Variants in UBALD1 observed in about 807,000 individuals in gnomAD.
UBALD1 encodes UBA like domain containing 1.
UBALD1 carries 5 observed loss-of-function variants against 16.1 expected under a neutral mutation model. The observed-to-expected ratio is 0.31, with a 90% CI of 0.16 to 0.66. The LOEUF (loss-of-function observed/expected upper bound fraction) is 0.66. Ranked by LOEUF, UBALD1 falls within the 30% of genes least tolerant of loss-of-function variation. UBALD1 has a pLI of 0.77. For missense variants in UBALD1, 220 were observed against 252.8 expected, an observed-to-expected ratio of 0.87 and a Z score of 0.88; for synonymous variants, 146 against 105.3, an observed-to-expected ratio of 1.39 and a Z score of -2.37.
Position 4,609,817 on chromosome 16 carries a change from C to A in UBALD1, c.350G>T (p.Ser117Ile). The A allele has an allele frequency of 6.6e-7, 1 of 1,523,942 alleles. No homozygotes were observed. The allele number at this position is 1,523,942 out of a possible 1,614,324, so 94.4% of individuals were successfully genotyped here. The change falls in exon 3 of 3, where the codon AGC becomes ATC. Residue 117 changes from serine to isoleucine, a missense_variant. By Grantham distance (142) the Ser-to-Ile change is moderately radical (BLOSUM62 -2). This residue lies in a region of UBALD1 where 151 missense variants were observed against 132.6 expected (regional missense o/e 1.14). Transcript: ENST00000283474. Reference protein sequence around the residue: ...PPPHFPHAATSSSAASSWPTA... With the variant: ...PPPHFPHAATISSAASSWPTA... ...GGGCCAGCTGGAGGCCGCAGAGCTG[C>A]TGGTGGCGGCATGGGGGAAGTGTGG...
At chr16:4,613,382 A>G (rs187192810) in intron 1 of UBALD1, among the ~76,000 whole-genome samples, 1 of 152,294 alleles carries the variant, frequency 6.6e-6, no homozygotes, top group Non-Finnish European at 1.5e-5. Flanking sequence ...ACACAGGATC[A>G]GTGGCCTCCG....
intron 1 of UBALD1, 163 bp downstream of exon 1, chr16:4,614,515 G>A: frequency 2.5e-6 from 3 of 1,210,764 alleles, no homozygotes; most frequent in East Asian, 3.3e-5. Flanking sequence ...CGAGCCCTTG[G>A]GATCCGGACG....
chr16:4,612,269 G>A lies in UBALD1; in HGVS notation c.121-1714C>T, dbSNP rs557806623. ...AGTAGAGATGGGGTTTCACCATGTTGGCCAGGATGGTCTTGATCTCTTGAC... is the reference window on the plus strand; with the variant it reads ...AGTAGAGATGGGGTTTCACCATGTTAGCCAGGATGGTCTTGATCTCTTGAC... On this transcript the variant is annotated intron_variant, in intron 1 of 2. Transcript: ENST00000283474. Among the ~76,000 whole-genome samples the A allele has an allele frequency of 2.4e-3, 370 of 152,034 alleles. 1 individual carries two copies. Among genetic ancestry groups the A allele is most frequent in the Non-Finnish European group, 4.4e-3 (299 of 67,998 alleles).
rs1050736208 is a variant in UBALD1, at chr16:4,609,527, C to T, written c.*106G>A. 1.0e-5 allele frequency: 5 copies of T among 495,880 alleles called. No homozygotes were observed. The highest frequency in any genetic ancestry group is 1.6e-5 in the Non-Finnish European group (5 of 304,782). The allele number at this position is 495,880 out of a possible 1,614,324, so 30.7% of individuals were successfully genotyped here. On this transcript the variant is annotated 3_prime_UTR_variant, in exon 3 of 3. Coordinates refer to ENST00000283474, the MANE Select transcript of UBALD1 (RefSeq NM_145253.3). ...GTCCGCGCTCTCCCCTCCAGGGCTC[C>T]GGGGAACAAGGGGTGCAGACAGAAA...
In UBALD1 at chr16:4,614,396, C is replaced by T. The variant is rs1208988509; in HGVS notation, c.120+282G>A. 14 of 354,594 alleles carry T rather than the reference C, an allele frequency of 3.9e-5. No homozygotes were observed. The Admixed American group carries it at 8.4e-4, about 21-fold the overall frequency. The allele number at this position is 354,594 out of a possible 1,614,324, so 22.0% of individuals were successfully genotyped here. A position where few individuals can be genotyped will look rare whatever the true frequency, so the allele number is the denominator to read the frequency against. On this transcript the variant is annotated intron_variant, in intron 1 of 2. Transcript: ENST00000283474. ...GGGGCCGCCCGGCCCTCGGCCGTTA[C>T]CCGGACAAAAGGGGTGGGGGGGGTC...
At chr16:4,614,413 G>GT (rs929169476) in intron 1 of UBALD1, 9 of 434,728 alleles carry the variant, frequency 2.1e-5, no homozygotes, top group African/African-American at 1.3e-4. Context: ...AAAAGGGGTG[G>GT]GGGGGGTCCC....
In UBALD1 at chr16:4,609,570, G is replaced by A. The variant is rs971012697; in HGVS notation, c.*63C>T. On this transcript the variant is annotated 3_prime_UTR_variant, in exon 3 of 3. Transcript: ENST00000283474. ...GACAGAAAAGGGGTGAAGGGGGCCC[G>A]CAGAGACGTCCTCTCCCCCGCCCCA... 2.5e-5 allele frequency: 18 copies of A among 720,374 alleles called. No individual in the cohort carries two copies. The highest frequency in any genetic ancestry group is 9.1e-5 in the African/African-American group (5 of 54,656). The allele number at this position is 720,374 out of a possible 1,614,324, so 44.6% of individuals were successfully genotyped here.
rs1228530726 is a variant in UBALD1 at position 4,609,741 on chromosome 16, G to A, written c.426C>T (p.Pro142=). The A allele has an allele frequency of 6.7e-7, 1 of 1,501,578 alleles. No homozygotes were observed. The highest frequency in any genetic ancestry group is 8.9e-7 in the Non-Finnish European group (1 of 1,128,720). The allele number at this position is 1,501,578 out of a possible 1,614,324, so 93.0% of individuals were successfully genotyped here. Reference sequence around the variant, plus strand: ...GAGAAGGGGGTGTTGGAGTCCACAGGGGCGGCTGTGGCTGGTGGTGCTGTG... The same window carrying A: ...GAGAAGGGGGTGTTGGAGTCCACAGAGGCGGCTGTGGCTGGTGGTGCTGTG... ...GGPQHHQPQP[P]LWTPTPPSPA... The change falls in exon 3 of 3, where the codon CCC becomes CCT. Residue 142 remains proline (P), a synonymous_variant. Coordinates refer to ENST00000283474, the MANE Select transcript of UBALD1 (RefSeq NM_145253.3).
In UBALD1 at chr16:4,609,956, T is replaced by G; in HGVS notation, c.211A>C (p.Thr71Pro). The part of the protein sequence containing the change: ...MMCTPANTPA[T>P]PPNFPDALTM... ...AGAGCGTCAGGGAAGTTGGGGGGTGTAGCAGGGGTATTGGCGGGGGTGCAC... is the reference window on the plus strand; with the variant it reads ...AGAGCGTCAGGGAAGTTGGGGGGTGGAGCAGGGGTATTGGCGGGGGTGCAC... The change falls in exon 3 of 3, where the codon ACA becomes CCA. Residue 71 changes from threonine to proline, a missense_variant. Transcript: ENST00000283474. 1 of 1,552,494 alleles carries G rather than the reference T, an allele frequency of 6.4e-7. No individual in the cohort carries two copies.
In UBALD1 at chr16:4,609,993, G is replaced by A. The variant is rs754198152; in HGVS notation, c.184-10C>T. The A allele has an allele frequency of 6.4e-7, 1 of 1,561,472 alleles. No homozygotes were observed. On this transcript the variant is annotated splice_polypyrimidine_tract_variant and intron_variant, in intron 2 of 2. Transcript: ENST00000283474. ...TGGCGGGGGTGCACATCTGTGAGGG[G>A]AAGAGAGGAGAGATGGGGTGAGCAC... is the stretch of plus-strand genomic sequence containing the variant.
Position 4,609,823 on chromosome 16 carries a change from G to A in UBALD1, c.344C>T (p.Ala115Val). The change falls in exon 3 of 3, where the codon GCC becomes GTC. Residue 115 changes from alanine (A) to valine (V), a missense_variant. This residue lies in a region of UBALD1 where 151 missense variants were observed against 132.6 expected (regional missense o/e 1.14). Coordinates refer to ENST00000283474, the MANE Select transcript of UBALD1 (RefSeq NM_145253.3). ...TSPPPHFPHA[A>V]TSSSAASSWP... Reference sequence around the variant, plus strand: ...GCTGGAGGCCGCAGAGCTGCTGGTGGCGGCATGGGGGAAGTGTGGCGGGGG... The same window carrying A: ...GCTGGAGGCCGCAGAGCTGCTGGTGACGGCATGGGGGAAGTGTGGCGGGGG... The A allele has an allele frequency of 1.3e-6, 2 of 1,526,374 alleles. No homozygotes were observed. Among genetic ancestry groups the A allele is most frequent in the South Asian group, 2.5e-5 (2 of 78,704 alleles). The allele number at this position is 1,526,374 out of a possible 1,614,324, so 94.6% of individuals were successfully genotyped here. A position where few individuals can be genotyped will look rare whatever the true frequency, so the allele number is the denominator to read the frequency against.
At chr16:4,614,638 C>A in intron 1 of UBALD1, 40 bp downstream of exon 1, 2 of 1,429,368 alleles carry the variant, frequency 1.4e-6, no homozygotes, top group Non-Finnish European at 1.8e-6. Context: ...ACACACTCCG[C>A]CCGTGGCCCC....
chr16:4,614,847 G>T lies in UBALD1; in HGVS notation c.-50C>A, dbSNP rs751954766. On this transcript the variant is annotated 5_prime_UTR_variant, in exon 1 of 3. Transcript: ENST00000283474. ...GCCTCCCTCCTCCGCCCGCGCCTCC[G>T]CCTCACGCGTCCACCATTAGCGAGC... 3 of 1,439,198 alleles carry T rather than the reference G, an allele frequency of 2.1e-6. No individual in the cohort carries two copies. The highest frequency in any genetic ancestry group is 2.7e-6 in the Non-Finnish European group (3 of 1,092,072). The allele number at this position is 1,439,198 out of a possible 1,614,324, so 89.2% of individuals were successfully genotyped here. A position where few individuals can be genotyped will look rare whatever the true frequency, so the allele number is the denominator to read the frequency against.
chr16:4,614,399 G>A (rs1897396619), intron 1 of UBALD1: 2 of 334,658 alleles, frequency 6.0e-6, no homozygotes, highest in East Asian at 9.2e-5. Context: ...GCCGTTACCC[G>A]GACAAAAGGG....
intron 1 of UBALD1, among the ~76,000 whole-genome samples, chr16:4,612,684 C>T (rs1037120954): frequency 6.6e-6 from 1 of 152,148 alleles, no homozygotes; most frequent in Non-Finnish European, 1.5e-5. Flanking sequence ...TGAATTGCAG[C>T]AAATGTGACC....
At chr16:4,614,480 GC>G in intron 1 of UBALD1, 197 bp downstream of exon 1, 1 of 858,202 alleles carries the variant, frequency 1.2e-6, no homozygotes, top group Non-Finnish European at 1.6e-6. Flanking sequence ...CCGACCGGTG[GC>G]CCGGTTCCCA....
chr16:4,612,286 T>A (rs1897367985), intron 1 of UBALD1, among the ~76,000 whole-genome samples: 1 of 152,058 alleles, frequency 6.6e-6, no homozygotes, highest in East Asian at 1.9e-4. Flanking sequence ...ATGGTCTTGA[T>A]CTCTTGACCT....
At chr16:4,614,456 G>A (rs1897398271) in intron 1 of UBALD1, 3 of 616,488 alleles carry the variant, frequency 4.9e-6, no homozygotes, top group South Asian at 7.2e-5. Flanking sequence ...CGGCCCCGCG[G>A]GGGCGGCGTA....
chr16:4,612,153 CT>C (rs1174910324), intron 1 of UBALD1, among the ~76,000 whole-genome samples: 2 of 150,382 alleles, frequency 1.3e-5, no homozygotes, highest in African/African-American at 2.4e-5. Context: ...CAACCTTTGC[CT>C]TCTAGTTCAA....
Sources: gnomAD v4.1 joint callset for allele counts (sites outside exome capture counted in the v4.1 genomes callset) on GRCh38, gnomAD v4.1.1 for gene constraint, gnomAD v4.1.1 regional missense constraint, MANE v1.5 for transcripts, NCBI Gene and HGNC (gene_info 2026-07-23, HGNC 2026-07-21) for gene names.